Variants in DNAH6 observed in about 807,000 individuals in gnomAD.
The protein encoded by DNAH6 is dynein axonemal heavy chain 6, also known as axonemal beta dynein heavy chain 6.
Under a neutral mutation model 491.4 loss-of-function variants are expected in DNAH6, and 340 were observed. That is an observed-to-expected ratio of 0.69 (90% CI 0.63 to 0.76). The LOEUF (loss-of-function observed/expected upper bound fraction) is 0.76. DNAH6 is among the 30% of genes least tolerant of loss of function. The pLI is 0.00. For synonymous variants in DNAH6, 1,603 were observed against 1,686.1 expected (o/e 0.95, Z 1.21); for missense variants, 4,443 against 4,972.2 (o/e 0.89, Z 3.20).
chr2:84,670,302 CATTA>C, intron 38 of DNAH6, 22 bp from the exon 39 acceptor site: 4 of 1,432,720 alleles, frequency 2.8e-6, no homozygotes, highest in Non-Finnish European at 3.8e-6. Context: ...ATTCATGTGA[CATTA>C]ATTAACTTAT....
chr2:84,804,873 T>C (rs958652103), intron 70 of DNAH6, among the ~76,000 whole-genome samples: 2 of 152,188 alleles, frequency 1.3e-5, no homozygotes, highest in Non-Finnish European at 2.9e-5. Context: ...TAGAGTGCAG[T>C]GGGGAGATCA....
intron 62 of DNAH6, among the ~76,000 whole-genome samples, chr2:84,738,539 C>T (rs1032727335): frequency 2.6e-5 from 4 of 152,248 alleles, no homozygotes; most frequent in Admixed American, 2.0e-4. Context: ...GTTGGATACA[C>T]ATATATCTAG....
intron 33 of DNAH6, among the ~76,000 whole-genome samples, chr2:84,647,199 A>T (rs180841064): frequency 5.8e-4 from 88 of 152,238 alleles, no homozygotes; most frequent in African/African-American, 1.9e-3. Context: ...CTAGCTTCAA[A>T]CTTCTTTCCC....
At chr2:84,703,149 G>A (rs1696090101) in intron 49 of DNAH6, among the ~76,000 whole-genome samples, 1 of 152,236 alleles carries the variant, frequency 6.6e-6, no homozygotes, top group Non-Finnish European at 1.5e-5. Context: ...CCACAGCCCA[G>A]TGACGTCCCA....
the DNAH6 span, among the ~76,000 whole-genome samples, chr2:84,503,652 A>G: frequency 6.7e-6 from 1 of 148,702 alleles, no homozygotes; most frequent in Non-Finnish European, 1.5e-5. Flanking sequence ...GATGGTGGAT[A>G]TTTTCACCAG....
Position 84,816,037 on chromosome 2 carries a change from C to T in DNAH6, c.12327C>T (p.Cys4109=). The change falls in exon 76 of 77, where the codon TGC becomes TGT. Residue 4109 remains cysteine, a synonymous_variant. Coordinates refer to ENST00000389394, the MANE Select transcript of DNAH6 (RefSeq NM_001370.2). ...NYKPSPTLYH[C]PLYKTGARAG... is the part of the protein sequence containing the mutation. ...AGCCAAGCCCAACACTTTACCACTG[C>T]CCACTTTATAAAACAGGAGCCCGGG... is the stretch of plus-strand genomic sequence containing the variant. 1 of 1,551,694 alleles carries T rather than the reference C, an allele frequency of 6.4e-7. No individual in the cohort carries two copies. The highest frequency in any genetic ancestry group is 8.7e-7 in the Non-Finnish European group (1 of 1,146,992).
intron 12 of DNAH6, among the ~76,000 whole-genome samples, chr2:84,575,642 T>TG (rs899795481): frequency 6.6e-6 from 1 of 152,162 alleles, no homozygotes; most frequent in African/African-American, 2.4e-5. Context: ...CCCAGAACTT[T>TG]GGGAGGCCGA....
intron 63 of DNAH6, among the ~76,000 whole-genome samples, chr2:84,753,777 A>G (rs1300960263): frequency 6.6e-6 from 1 of 150,622 alleles, no homozygotes; most frequent in Non-Finnish European, 1.5e-5. Flanking sequence ...AAAAAAAAAA[A>G]AAGTACAGTT....
chr2:84,626,762 C>T (rs746210938), intron 29 of DNAH6, among the ~76,000 whole-genome samples: 11 of 152,122 alleles, frequency 7.2e-5, no homozygotes, highest in Non-Finnish European at 1.3e-4. Flanking sequence ...CCACCACACC[C>T]GGCTAATTTT....
intron 18 of DNAH6, among the ~76,000 whole-genome samples, chr2:84,603,742 C>G (rs777139841): frequency 2.0e-4 from 31 of 152,248 alleles, no homozygotes; most frequent in Non-Finnish European, 3.1e-4. Flanking sequence ...GAGATATCTT[C>G]AATGAGTTAT....
chr2:84,489,483 G>T, the DNAH6 span, among the ~76,000 whole-genome samples: 1 of 152,140 alleles, frequency 6.6e-6, no homozygotes, highest in African/African-American at 2.4e-5. Context: ...TAGGATCCTT[G>T]CTTGGACAAG....
chr2:84,677,005 G>A lies in DNAH6; in HGVS notation c.6613G>A (p.Asp2205Asn), dbSNP rs1296448821. ...TCCAAGTGGATTTCTCTGCACACAG[G>A]ATGTAACAATCATATCGGCATGTGC... is the stretch of plus-strand genomic sequence containing the variant. ...RNKLFWKEIQ[D>N]VTIISACAPP... is the part of the protein sequence containing the mutation. The change falls in exon 41 of 77, where the codon GAT becomes AAT. Residue 2205 changes from aspartate (D) to asparagine (N), a missense_variant and splice_region_variant. Around this residue, in one of 3 missense-constraint regions of DNAH6, gnomAD observed 2,977 missense variants for 3,296.6 expected, o/e 0.90. Coordinates refer to ENST00000389394, the MANE Select transcript of DNAH6 (RefSeq NM_001370.2). The A allele has an allele frequency of 1.3e-6, 2 of 1,551,836 alleles. No homozygotes were observed. The highest frequency in any genetic ancestry group is 1.7e-4 in the Middle Eastern group (1 of 5,994).
intron 3 of DNAH6, among the ~76,000 whole-genome samples, chr2:84,527,681 AT>A (rs1676733935): frequency 6.6e-6 from 1 of 152,170 alleles, no homozygotes; most frequent in Admixed American, 6.5e-5. Flanking sequence ...AAAGACACAC[AT>A]TTTACCTTTT....
In DNAH6 at chr2:84,704,051, A is replaced by G; in HGVS notation, c.8230-16A>G. 6.5e-7 allele frequency: 1 copy of G among 1,542,590 alleles called. No individual in the cohort carries two copies. The highest frequency in any genetic ancestry group is 1.2e-5 in the South Asian group (1 of 83,288). ...AAATAATGAGGCCACTTAAGCAGTC[A>G]TGTTTCAATGGTTAGGTCCGTAACA... is the stretch of plus-strand genomic sequence containing the variant. On this transcript the variant is annotated splice_polypyrimidine_tract_variant and intron_variant, in intron 50 of 76. Coordinates refer to ENST00000389394, the MANE Select transcript of DNAH6 (RefSeq NM_001370.2).
the DNAH6 span, among the ~76,000 whole-genome samples, chr2:84,474,886 G>T: frequency 6.6e-6 from 1 of 152,144 alleles, no homozygotes; most frequent in Non-Finnish European, 1.5e-5. Flanking sequence ...GTGCAAATAG[G>T]TTTTTTGTCA....
intron 49 of DNAH6, among the ~76,000 whole-genome samples, chr2:84,701,669 C>A (rs138548096): frequency 1.2e-4 from 18 of 152,162 alleles, no homozygotes; most frequent in African/African-American, 4.1e-4. Flanking sequence ...GGGGGTGGTG[C>A]CACACACTTT....
intron 26 of DNAH6, among the ~76,000 whole-genome samples, chr2:84,623,165 G>A (rs1301331780): frequency 6.6e-6 from 1 of 152,162 alleles, no homozygotes; most frequent in Non-Finnish European, 1.5e-5. Flanking sequence ...TAGGGGAAAA[G>A]CTTTGACAAT....
chr2:84,668,242 T>TA (rs967636644), intron 37 of DNAH6, among the ~76,000 whole-genome samples: 6 of 151,498 alleles, frequency 4.0e-5, no homozygotes, highest in African/African-American at 7.3e-5. Flanking sequence ...AGTATAATAA[T>TA]AAAAAAAAAC....
intron 60 of DNAH6, 50 bp from the exon 61 acceptor site, chr2:84,727,619 G>T: frequency 4.1e-6 from 5 of 1,214,710 alleles, no homozygotes; most frequent in Non-Finnish European, 5.9e-6. Context: ...TTTGTTCTCT[G>T]CAGAGAATGA....
Sources: gnomAD v4.1 joint callset for allele counts (sites outside exome capture counted in the v4.1 genomes callset) on GRCh38, gnomAD v4.1.1 for gene constraint, gnomAD v4.1.1 regional missense constraint, MANE v1.5 for transcripts, NCBI Gene and HGNC (gene_info 2026-07-23, HGNC 2026-07-21) for gene names.